PRDM11: variants seen among roughly 807,000 people sequenced by gnomAD.
The protein encoded by PRDM11 is PR/SET domain 11.
Under a neutral mutation model 97.8 loss-of-function variants are expected in PRDM11, and 20 were observed. The observed-to-expected ratio is 0.20, with a 90% CI of 0.14 to 0.30. The LOEUF (loss-of-function observed/expected upper bound fraction) is 0.30, where lower values mean the gene tolerates loss of function less well. PRDM11 is among the 10% of genes least tolerant of loss of function. PRDM11 has a pLI of 1.00. For synonymous variants in PRDM11, 599 were observed against 637.7 expected, an observed-to-expected ratio of 0.94 and a Z score of 0.91; for missense variants, 1,139 against 1,555.2, an observed-to-expected ratio of 0.73 and a Z score of 4.50.
intron 1 of PRDM11, among the ~76,000 whole-genome samples, chr11:45,123,183 T>C (rs536487436): frequency 3.0e-4 from 46 of 152,332 alleles, no homozygotes; most frequent in African/African-American, 1.1e-3. Flanking sequence ...CACTTTTTGA[T>C]AGGGTTGTTT....
chr11:45,139,279 G>A (rs1852944730), intron 1 of PRDM11, among the ~76,000 whole-genome samples: 1 of 152,132 alleles, frequency 6.6e-6, no homozygotes, highest in Non-Finnish European at 1.5e-5. Context: ...TAGGACAACT[G>A]GGCAAAATGT....
upstream of PRDM11, among the ~76,000 whole-genome samples, chr11:45,095,590 G>C (rs1337089084): frequency 6.6e-6 from 1 of 152,198 alleles, no homozygotes; most frequent in Non-Finnish European, 1.5e-5. Context: ...GCTGAGAGTA[G>C]AGGCCACATT....
intron 1 of PRDM11, among the ~76,000 whole-genome samples, chr11:45,113,788 TTGTGTGTGTGTGTG>T (rs142584346): frequency 3.1e-4 from 43 of 137,202 alleles, no homozygotes; most frequent in African/African-American, 8.4e-4. Flanking sequence ...TGCTACTGAT[TTGTGTGTGTGTGTG>T]TGTGTGTGTG....
At chr11:45,202,034 C>G (rs1204987011) in intron 4 of PRDM11, among the ~76,000 whole-genome samples, 3 of 152,186 alleles carry the variant, frequency 2.0e-5, no homozygotes, top group Admixed American at 6.5e-5. Flanking sequence ...GTCTCAAACT[C>G]CTGGCCTCAA....
At chr11:45,190,492 T>C (rs1326343357) in intron 4 of PRDM11, among the ~76,000 whole-genome samples, 1 of 151,638 alleles carries the variant, frequency 6.6e-6, no homozygotes, top group Non-Finnish European at 1.5e-5. Context: ...GAGATATAGT[T>C]ACAGAGACAT....
At chr11:45,100,125 C>T (rs1266541758) in intron 1 of PRDM11, among the ~76,000 whole-genome samples, 1 of 152,176 alleles carries the variant, frequency 6.6e-6, no homozygotes, top group Non-Finnish European at 1.5e-5. Context: ...ACATCAATTA[C>T]ACTATGTAAT....
At chr11:45,175,679 G>C (rs921076253) in intron 1 of PRDM11, among the ~76,000 whole-genome samples, 2 of 152,118 alleles carry the variant, frequency 1.3e-5, no homozygotes, top group Non-Finnish European at 2.9e-5. Flanking sequence ...TCCATTCCTG[G>C]ATGTGGGCTT....
chr11:45,099,325 C>T, intron 1 of PRDM11, among the ~76,000 whole-genome samples: 1 of 151,994 alleles, frequency 6.6e-6, no homozygotes, highest in Admixed American at 6.6e-5. Flanking sequence ...GTGATGTGTG[C>T]CTGTAGTTCC....
Position 45,219,338 on chromosome 11 carries a change from C to G in PRDM11, c.555-232C>G, listed in dbSNP as rs1001803526. Among the ~76,000 whole-genome samples the G allele has an allele frequency of 1.3e-5, 2 of 152,138 alleles. No homozygotes were observed. The highest frequency in any genetic ancestry group is 4.8e-5 in the African/African-American group (2 of 41,428). ...TATCCAGTCTCAGAAAACAGAGATT[C>G]TTAGAGGTTTGGAGATCTGCTTGAG... On this transcript the variant is annotated intron_variant, in intron 5 of 7. Transcript: ENST00000683152. This position sits in a 1 kb window ranked among gnomAD's most constrained non-coding sequence, Gnocchi z 4.2.
chr11:45,182,430 C>T (rs1852542935), intron 3 of PRDM11, 81 bp downstream of exon 3: 2 of 1,293,034 alleles, frequency 1.5e-6, no homozygotes, highest in South Asian at 1.3e-5. Context: ...CACAACAATG[C>T]TACTAAGATA....
At chr11:45,126,732 G>A (rs1344787857) in intron 1 of PRDM11, among the ~76,000 whole-genome samples, 2 of 152,156 alleles carry the variant, frequency 1.3e-5, no homozygotes, top group African/African-American at 2.4e-5. Context: ...GCTTCCCTTT[G>A]TGGGTAACCC....
chr11:45,124,624 T>G (rs1852521797), intron 1 of PRDM11, among the ~76,000 whole-genome samples: 1 of 152,266 alleles, frequency 6.6e-6, no homozygotes, highest in South Asian at 2.1e-4. Flanking sequence ...TAGTTCTGTT[T>G]ATATGCTGGA....
rs375043780 is a variant in PRDM11 at position 45,183,063 on chromosome 11, C to T, written c.426C>T (p.Phe142=). The part of the protein sequence containing the change: ...VNEVIPKGHI[F]GPYEGQISTQ... ...AGGTCATCCCCAAGGGCCACATCTTCGGCCCCTATGAGGGGCAGATCTCCA... is the reference window on the plus strand; with the variant it reads ...AGGTCATCCCCAAGGGCCACATCTTTGGCCCCTATGAGGGGCAGATCTCCA... Residue 142 remains phenylalanine (F), a synonymous_variant, in exon 4 of 8, where the codon TTC becomes TTT. Coordinates refer to ENST00000683152, the MANE Select transcript of PRDM11 (RefSeq NM_001384648.1). 4.5e-5 allele frequency: 72 copies of T among 1,613,788 alleles called. No individual in the cohort carries two copies. The Middle Eastern group carries it at 6.6e-4, about 15-fold the overall frequency.
chr11:45,166,258 G>A (rs1565281690), intron 1 of PRDM11, among the ~76,000 whole-genome samples: 1 of 152,188 alleles, frequency 6.6e-6, no homozygotes, highest in East Asian at 1.9e-4. Context: ...TCATGGGCAG[G>A]CTGTTGTATG....
chr11:45,168,439 T>C (rs1277905905), intron 1 of PRDM11, among the ~76,000 whole-genome samples: 1 of 152,154 alleles, frequency 6.6e-6, no homozygotes, highest in Non-Finnish European at 1.5e-5. Flanking sequence ...TATGAGGGCC[T>C]TGCACAATGT....
chr11:45,183,319 A>G (rs1377872353), intron 4 of PRDM11, among the ~76,000 whole-genome samples, 196 bp downstream of exon 4: 1 of 152,090 alleles, frequency 6.6e-6, no homozygotes, highest in Non-Finnish European at 1.5e-5. Context: ...CAATGCTGAG[A>G]GCACCCACCT....
At chr11:45,217,163 A>C (rs1053685474) in intron 5 of PRDM11, among the ~76,000 whole-genome samples, 2 of 152,332 alleles carry the variant, frequency 1.3e-5, no homozygotes, top group African/African-American at 4.8e-5. Flanking sequence ...CTCTCACTAA[A>C]TTGGGGACTG....
At chr11:45,154,262 G>A (rs769965661) in intron 1 of PRDM11, among the ~76,000 whole-genome samples, 44 of 152,138 alleles carry the variant, frequency 2.9e-4, no homozygotes, top group Admixed American at 1.6e-3. Flanking sequence ...AGGCTGAGGC[G>A]GGAAGATCAC....
chr11:45,134,363 T>C (rs1852784748), intron 1 of PRDM11, among the ~76,000 whole-genome samples: 1 of 152,042 alleles, frequency 6.6e-6, no homozygotes, highest in Non-Finnish European at 1.5e-5. Flanking sequence ...TAGAGACTAG[T>C]ATAAACTTGA....
Sources: gnomAD v4.1 joint callset for allele counts (sites outside exome capture counted in the v4.1 genomes callset) on GRCh38, gnomAD v4.1.1 for gene constraint, Gnocchi (gnomAD v3.1) non-coding constraint, MANE v1.5 for transcripts, NCBI Gene and HGNC (gene_info 2026-07-23, HGNC 2026-07-21) for gene names.